NXPE4: variants seen among roughly 807,000 people sequenced by gnomAD.
NXPE4 encodes the protein neurexophilin and PC-esterase domain family member 4.
Under a neutral mutation model 33.3 loss-of-function variants are expected in NXPE4, and 42 were observed. The observed-to-expected ratio is 1.26, with a 90% CI of 0.98 to 1.63. The LOEUF is 1.63. Among genes scored for constraint, NXPE4 ranks in the 40% most tolerant of loss-of-function variants. The probability of loss-of-function intolerance (pLI) is 0.00; values close to 1 mark genes in which losing one functional copy is unlikely to be tolerated. For synonymous variants in NXPE4, 253 were observed against 234.9 expected (o/e 1.08, Z -0.71); for missense variants, 709 against 647.6 (o/e 1.09, Z -1.03).
the NXPE4 span, among the ~76,000 whole-genome samples, chr11:114,605,227 G>T: frequency 2.1e-5 from 3 of 146,250 alleles, no homozygotes; most frequent in African/African-American, 7.6e-5. Context: ...GTGGGTAACT[G>T]CTGTTACCCA....
At chr11:114,644,892 T>C in the NXPE4 span, among the ~76,000 whole-genome samples, 1 of 151,034 alleles carries the variant, frequency 6.6e-6, no homozygotes, top group Admixed American at 6.6e-5. Context: ...ACCACTAAGA[T>C]AGAATTAAAA....
the NXPE4 span, among the ~76,000 whole-genome samples, chr11:114,617,888 C>T: frequency 2.3e-4 from 34 of 145,452 alleles, no homozygotes; most frequent in African/African-American, 4.1e-4. Context: ...TCTTACCTGG[C>T]GGATAATAAG....
At chr11:114,640,098 A>AT in the NXPE4 span, among the ~76,000 whole-genome samples, 1 of 123,012 alleles carries the variant, frequency 8.1e-6, no homozygotes, top group Non-Finnish European at 1.6e-5. Context: ...AATATAATAT[A>AT]TGATTATATA....
At chr11:114,658,059 A>C in the NXPE4 span, among the ~76,000 whole-genome samples, 1 of 152,198 alleles carries the variant, frequency 6.6e-6, no homozygotes, top group Non-Finnish European at 1.5e-5. Context: ...GTTCCCTTTA[A>C]AATAAACCCT....
chr11:114,660,468 A>G, the NXPE4 span, among the ~76,000 whole-genome samples: 2 of 152,040 alleles, frequency 1.3e-5, no homozygotes, highest in African/African-American at 4.8e-5. Context: ...TTGAAGATCA[A>G]TCAATCAAAG....
chr11:114,620,840 G>A, the NXPE4 span, among the ~76,000 whole-genome samples: 10 of 151,994 alleles, frequency 6.6e-5, 1 homozygote, highest in African/African-American at 9.7e-5. Flanking sequence ...AATAAGTGTT[G>A]CCTTGTGGGT....
the NXPE4 span, among the ~76,000 whole-genome samples, chr11:114,639,718 A>T: frequency 3.1e-5 from 4 of 130,110 alleles, no homozygotes; most frequent in Admixed American, 8.9e-5. Context: ...ATAATATATA[A>T]TATAGTAATA....
chr11:114,612,373 G>A, the NXPE4 span, among the ~76,000 whole-genome samples: 1 of 151,750 alleles, frequency 6.6e-6, no homozygotes, highest in Non-Finnish European at 1.5e-5. Context: ...TTACCCGATG[G>A]ACAATAAGTA....
chr11:114,638,985 C>T, the NXPE4 span, among the ~76,000 whole-genome samples: 1 of 152,088 alleles, frequency 6.6e-6, no homozygotes, highest in Non-Finnish European at 1.5e-5. Context: ...AGAACCACTG[C>T]TCTCTTCAAA....
At chr11:114,648,665 ATACT>A in the NXPE4 span, among the ~76,000 whole-genome samples, 2 of 152,210 alleles carry the variant, frequency 1.3e-5, no homozygotes, top group Admixed American at 6.5e-5. Flanking sequence ...TCCTTAAGTC[ATACT>A]TAATCTCCAA....
chr11:114,633,812 G>C, the NXPE4 span, among the ~76,000 whole-genome samples: 3 of 151,958 alleles, frequency 2.0e-5, no homozygotes, highest in African/African-American at 7.3e-5. Context: ...TTTTATGGCT[G>C]CATAGTATTC....
the NXPE4 span, among the ~76,000 whole-genome samples, chr11:114,607,709 A>T: frequency 3.9e-5 from 6 of 151,912 alleles, 1 homozygote; most frequent in Admixed American, 3.9e-4. Flanking sequence ...CTTGGTGGAT[A>T]ATAATTGTTG....
At chr11:114,607,886 T>A in the NXPE4 span, among the ~76,000 whole-genome samples, 4 of 151,994 alleles carry the variant, frequency 2.6e-5, no homozygotes, top group Admixed American at 2.0e-4. Flanking sequence ...TAGTAAGTAC[T>A]GCCTCGTGGG....
chr11:114,616,663 G>C, the NXPE4 span, among the ~76,000 whole-genome samples: 1 of 151,672 alleles, frequency 6.6e-6, no homozygotes, highest in African/African-American at 2.4e-5. Flanking sequence ...GGTAACCACT[G>C]TTACCCGTTG....
intron 2 of NXPE4, among the ~76,000 whole-genome samples, chr11:114,586,422 G>A (rs569470389): frequency 9.9e-5 from 15 of 152,216 alleles, no homozygotes; most frequent in African/African-American, 3.6e-4. Flanking sequence ...TTTATTTCAA[G>A]GCCTTCTGCT....
At chr11:114,597,242 A>G (rs1428883429), upstream of NXPE4, among the ~76,000 whole-genome samples, 1 of 152,224 alleles carries the variant, frequency 6.6e-6, no homozygotes, top group African/African-American at 2.4e-5. Context: ...ATGTTTGATT[A>G]GCCCAATAGA....
the NXPE4 span, among the ~76,000 whole-genome samples, chr11:114,640,040 T>C: frequency 1.4e-3 from 163 of 119,072 alleles, 1 homozygote; most frequent in African/African-American, 5.4e-3. Flanking sequence ...ATAATTATAT[T>C]ATTTTATAAT....
At chr11:114,593,920 C>T (rs1437008796) in intron 2 of NXPE4, among the ~76,000 whole-genome samples, 2 of 152,036 alleles carry the variant, frequency 1.3e-5, no homozygotes, top group African/African-American at 2.4e-5. Context: ...ATAAGCTAGG[C>T]ACAGAAGACA....
chr11:114,633,378 GTAT>G, the NXPE4 span, among the ~76,000 whole-genome samples: 4 of 140,486 alleles, frequency 2.8e-5, no homozygotes, highest in African/African-American at 1.0e-4. Flanking sequence ...AATATATTAT[GTAT>G]TATATTATAT....
Sources: gnomAD v4.1 joint callset for allele counts (sites outside exome capture counted in the v4.1 genomes callset) on GRCh38, gnomAD v4.1.1 for gene constraint, MANE v1.5 for transcripts, NCBI Gene and HGNC (gene_info 2026-07-23, HGNC 2026-07-21) for gene names.